Variants in LIMK2 observed in about 807,000 individuals in gnomAD.
LIMK2 encodes the protein LIM domain kinase 2.
In LIMK2, 35 loss-of-function variants were observed where a neutral mutation model predicts 75.7. The observed-to-expected ratio is 0.46, with a 90% CI of 0.35 to 0.61. The LOEUF (loss-of-function observed/expected upper bound fraction) is 0.61, where lower values mean the gene tolerates loss of function less well. LIMK2 is among the 20% of genes least tolerant of loss of function. The probability of loss-of-function intolerance (pLI) is 0.00; values close to 1 mark genes in which losing one functional copy is unlikely to be tolerated. For synonymous variants in LIMK2, 301 were observed against 319.2 expected (o/e 0.94, Z 0.61); for missense variants, 623 against 831.0 (o/e 0.75, Z 3.08).
At chr22:31,213,715 G>A (rs1361360182) in intron 1 of LIMK2, among the ~76,000 whole-genome samples, 1 of 152,028 alleles carries the variant, frequency 6.6e-6, no homozygotes, top group African/African-American at 2.4e-5. Context: ...GACCAGCTTG[G>A]GCAATATAGC....
intron 2 of LIMK2, among the ~76,000 whole-genome samples, chr22:31,247,228 C>A (rs1162471226): frequency 7.3e-6 from 1 of 137,760 alleles, no homozygotes; most frequent in Admixed American, 7.1e-5. Flanking sequence ...GTTCTGGTTT[C>A]CTCCAGCAGC....
At position 31,269,286 on chromosome 22, in the gene LIMK2, CTTTTTTTTTTTT is replaced by C. The variant is rs796361643; in HGVS notation, c.1317+1096_1317+1107del. Among the ~76,000 whole-genome samples, 22 of 95,482 alleles carry C rather than the reference CTTTTTTTTTTTT, an allele frequency of 2.3e-4. No individual in the cohort carries two copies. The South Asian group carries it at 8.0e-3, about 35-fold the overall frequency. 62.6% of individuals were successfully genotyped at this position (95,482 alleles called of 152,430 possible). ...CACCTAATTTTTTGAATTTTTTTTT[CTTTTTTTTTTTT>C]TTTTTTTTTGGTAGAGACAGGTTCT... is the stretch of plus-strand genomic sequence containing the variant. On this transcript the variant is annotated intron_variant, in intron 11 of 15. Transcript: ENST00000331728.
chr22:31,243,254 A>G (rs762512034), intron 2 of LIMK2, among the ~76,000 whole-genome samples: 2 of 152,156 alleles, frequency 1.3e-5, no homozygotes, highest in Non-Finnish European at 2.9e-5. Context: ...GACTGCTGCT[A>G]TAATGTAGAA....
intron 14 of LIMK2, 114 bp downstream of exon 14, chr22:31,273,621 G>T (rs2048981075): frequency 1.2e-6 from 1 of 810,292 alleles, no homozygotes. Context: ...ATCAACATGG[G>T]TGTAGGGTTT....
intron 8 of LIMK2, 36 bp downstream of exon 8, chr22:31,266,168 C>T (rs1221865097): frequency 6.3e-7 from 1 of 1,599,864 alleles, no homozygotes; most frequent in Non-Finnish European, 8.6e-7. Flanking sequence ...CTCTTCTGCC[C>T]CCAGTCCCTC....
rs1172400816 is a variant in LIMK2 at position 31,212,336 on chromosome 22, G to A, written c.-73G>A. On this transcript the variant is annotated 5_prime_UTR_variant, in exon 1 of 16. Coordinates refer to ENST00000331728, the MANE Select transcript of LIMK2 (RefSeq NM_005569.4). ...TGAGGCGGCGGCGGCAGGAGCTGAG[G>A]GGAGTTGTAGGGAACTGAGGGGAGC... is the stretch of plus-strand genomic sequence containing the variant. 1.1e-5 allele frequency: 14 copies of A among 1,305,372 alleles called. No individual in the cohort carries two copies. In the Admixed American group the frequency reaches 4.2e-4, roughly 39 times the overall value. The allele number at this position is 1,305,372 out of a possible 1,614,324, so 80.9% of individuals were successfully genotyped here.
chr22:31,248,343 C>T (rs2048690256), intron 2 of LIMK2: 1 of 1,235,164 alleles, frequency 8.1e-7, no homozygotes, highest in East Asian at 5.3e-5. Context: ...AGGGGTGGGA[C>T]TGAAGAAGAA....
rs1308691946 is a variant in LIMK2, at chr22:31,275,022, A to G, written c.1615-129A>G. 2.7e-5 allele frequency: 22 copies of G among 827,540 alleles called. No individual in the cohort carries two copies. The East Asian group carries it at 5.1e-4, about 19-fold the overall frequency. The allele number at this position is 827,540 out of a possible 1,614,324, so 51.3% of individuals were successfully genotyped here. A position where few individuals can be genotyped will look rare whatever the true frequency, so the allele number is the denominator to read the frequency against. Reference sequence around the variant, plus strand: ...GGAGAGATGATTGGGGATTGGGGAGAGCTCTCTAACCTATTTTACCACCTC... The same window carrying G: ...GGAGAGATGATTGGGGATTGGGGAGGGCTCTCTAACCTATTTTACCACCTC... On this transcript the variant is annotated intron_variant, in intron 14 of 15. Coordinates refer to ENST00000331728, the MANE Select transcript of LIMK2 (RefSeq NM_005569.4).
In LIMK2 at chr22:31,272,602, G is replaced by A; in HGVS notation, c.1456G>A (p.Glu486Lys). 1 of 1,614,080 alleles carries A rather than the reference G, an allele frequency of 6.2e-7. No individual in the cohort carries two copies. Among genetic ancestry groups the A allele is most frequent in the Non-Finnish European group, 8.5e-7 (1 of 1,180,002 alleles). Residue 486 changes from glutamate (E) to lysine (K), a missense_variant, in exon 13 of 16, where the codon GAG becomes AAG. By Grantham distance (56) the Glu-to-Lys change is moderately conservative. Coordinates refer to ENST00000331728, the MANE Select transcript of LIMK2 (RefSeq NM_005569.4). ...IVEERKRAPM[E>K]KATTKKRTLR... ...GGAAGAGAGGAAAAGGGCCCCCATG[G>A]AGAAGGCCACCACCAAGAAACGCAC...
In LIMK2 at chr22:31,278,568, C is replaced by A; in HGVS notation, c.*127C>A. The stretch of plus-strand genomic sequence containing the variant: ...GCGGAATGTTTAGAAGCAGAACAAG[C>A]CATTCCTATTACCTCCCCAGGAGGC... On this transcript the variant is annotated 3_prime_UTR_variant, in exon 16 of 16. Coordinates refer to ENST00000331728, the MANE Select transcript of LIMK2 (RefSeq NM_005569.4). The A allele has an allele frequency of 2.9e-6, 3 of 1,044,014 alleles. No homozygotes were observed. Among genetic ancestry groups the A allele is most frequent in the Non-Finnish European group, 4.0e-6 (3 of 751,020 alleles). 64.7% of individuals were successfully genotyped at this position (1,044,014 alleles called of 1,614,324 possible).
intron 14 of LIMK2, among the ~76,000 whole-genome samples, chr22:31,274,274 T>A (rs2048989744): frequency 6.6e-6 from 1 of 152,110 alleles, no homozygotes. Context: ...AGGAGTTTAG[T>A]CAGGTGACAG....
intron 2 of LIMK2, among the ~76,000 whole-genome samples, chr22:31,236,210 C>G (rs931562036): frequency 4.7e-5 from 7 of 150,022 alleles, no homozygotes; most frequent in African/African-American, 1.7e-4. Flanking sequence ...GGGAGAAACA[C>G]TTGAACCTGG....
chr22:31,225,204 C>T (rs553606891), intron 1 of LIMK2, among the ~76,000 whole-genome samples: 1 of 152,152 alleles, frequency 6.6e-6, no homozygotes, highest in African/African-American at 2.4e-5. Context: ...TCTAGAGGAC[C>T]AATTTATTCA....
At chr22:31,248,673 A>C in intron 2 of LIMK2, 1 of 1,614,030 alleles carries the variant, frequency 6.2e-7, no homozygotes, top group Non-Finnish European at 8.5e-7. Flanking sequence ...AGGCAGTCAC[A>C]GACGGATTTG....
intron 2 of LIMK2, among the ~76,000 whole-genome samples, chr22:31,233,982 T>C: frequency 6.6e-6 from 1 of 152,138 alleles, no homozygotes; most frequent in East Asian, 1.9e-4. Context: ...ATCTGTTCTC[T>C]ATAGAGCAGT....
intron 2 of LIMK2, among the ~76,000 whole-genome samples, chr22:31,244,534 T>G (rs1297374221): frequency 1.3e-5 from 2 of 152,118 alleles, no homozygotes; most frequent in Non-Finnish European, 2.9e-5. Context: ...GGCCCTTGTG[T>G]GTCCCCTCGG....
chr22:31,267,821 A>C lies in LIMK2; in HGVS notation c.1174A>C (p.Ile392Leu). The stretch of plus-strand genomic sequence containing the variant: ...GGACCACCCCAATGTGCTCAAGTTC[A>C]TTGGTGTGCTGTACAAGGATAAGAA... ...SLDHPNVLKFIGVLYKDKKLN... is the reference protein window; with the variant it reads ...SLDHPNVLKFLGVLYKDKKLN... Residue 392 changes from isoleucine to leucine, a missense_variant, in exon 10 of 16, where the codon ATT becomes CTT. Ile to Leu is a conservative substitution (Grantham distance 5). Around this residue, in one of 3 missense-constraint regions of LIMK2, gnomAD observed 514 missense variants for 661.3 expected, o/e 0.78. Transcript: ENST00000331728. 1.2e-6 allele frequency: 2 copies of C among 1,612,714 alleles called. No individual in the cohort carries two copies. The highest frequency in any genetic ancestry group is 1.7e-6 in the Non-Finnish European group (2 of 1,179,454).
chr22:31,229,413 A>T (rs1281179130), intron 2 of LIMK2, among the ~76,000 whole-genome samples: 2 of 152,176 alleles, frequency 1.3e-5, no homozygotes, highest in Non-Finnish European at 2.9e-5. Context: ...GACCCCAGAG[A>T]TAACCTGGGT....
At chr22:31,274,362 G>A (rs2048990693) in intron 14 of LIMK2, among the ~76,000 whole-genome samples, 1 of 152,118 alleles carries the variant, frequency 6.6e-6, no homozygotes, top group Non-Finnish European at 1.5e-5. Context: ...TAGAGGAGAG[G>A]AGAGACAAGG....
Sources: gnomAD v4.1 joint callset for allele counts (sites outside exome capture counted in the v4.1 genomes callset) on GRCh38, gnomAD v4.1.1 for gene constraint, gnomAD v4.1.1 regional missense constraint, MANE v1.5 for transcripts, NCBI Gene and HGNC (gene_info 2026-07-23, HGNC 2026-07-21) for gene names.